SERHL2: variants seen among roughly 807,000 people sequenced by gnomAD.
The protein encoded by SERHL2 is serine hydrolase-like protein 2.
Under a neutral mutation model 25.5 loss-of-function variants are expected in SERHL2, and 29 were observed. The ratio of observed to expected loss-of-function variants is 1.14; its 90% CI spans 0.85 to 1.55. The LOEUF (loss-of-function observed/expected upper bound fraction) is 1.55. Ranked by LOEUF, SERHL2 falls within the 40% of genes most tolerant of loss-of-function variation. The probability of loss-of-function intolerance (pLI) is 0.00; values close to 1 mark genes in which losing one functional copy is unlikely to be tolerated. For synonymous variants in SERHL2, 95 were observed against 103.5 expected (o/e 0.92, Z 0.50); for missense variants, 240 against 252.3 (o/e 0.95, Z 0.33).
At position 42,573,744 on chromosome 22, in the gene SERHL2, G is replaced by A. The variant is rs540722613; in HGVS notation, c.826-192G>A. Reference sequence around the variant, plus strand: ...CCCCTGGGAGGCCTCCAAGTCCCTAGGGTTAGACACCTCCTGGGGTGCTAT... The same window carrying A: ...CCCCTGGGAGGCCTCCAAGTCCCTAAGGTTAGACACCTCCTGGGGTGCTAT... On this transcript the variant is annotated intron_variant, in intron 11 of 11. Transcript: ENST00000327678. The A allele has an allele frequency of 1.1e-3, 764 of 675,986 alleles. 3 individuals are homozygous for A. Among genetic ancestry groups the A allele is most frequent in the African/African-American group, 6.3e-3 (348 of 55,206 alleles). 41.9% of individuals were successfully genotyped at this position (675,986 alleles called of 1,614,324 possible).
intron 7 of SERHL2, among the ~76,000 whole-genome samples, chr22:42,558,976 C>G (rs1172787169): frequency 3.9e-4 from 14 of 36,086 alleles, no homozygotes; most frequent in Non-Finnish European, 6.2e-4. Context: ...GGCAGTGGGC[C>G]TGGTAGGTCA....
chr22:42,569,568 A>G (rs1923875993), intron 9 of SERHL2: 1 of 151,924 alleles, frequency 6.6e-6, no homozygotes, highest in South Asian at 2.1e-4. Context: ...TCTAATTTTC[A>G]TATTTTTAGT....
At position 42,574,018 on chromosome 22, in the gene SERHL2, T is replaced by C; in HGVS notation, c.908T>C (p.Phe303Ser). ...PQHVASIISS[F>S]LQCTHMLPAQ... ...CACGTGGCCAGTATCATCAGCTCCT[T>C]CTTACAGTGCACACACATGCTCCCA... The change falls in exon 12 of 12, where the codon TTC becomes TCC. Residue 303 changes from phenylalanine (F) to serine (S), a missense_variant. Around this residue, in one of 4 missense-constraint regions of SERHL2, gnomAD observed 212 missense variants for 168.9 expected, o/e 1.25. Coordinates refer to ENST00000327678, the MANE Select transcript of SERHL2 (RefSeq NM_014509.5). 5 of 1,612,046 alleles carry C rather than the reference T, an allele frequency of 3.1e-6. No individual in the cohort carries two copies. Among genetic ancestry groups the C allele is most frequent in the East Asian group, 2.2e-5 (1 of 44,838 alleles).
intron 8 of SERHL2, among the ~76,000 whole-genome samples, chr22:42,561,518 G>A (rs1342111643): frequency 6.6e-6 from 1 of 151,648 alleles, no homozygotes; most frequent in Admixed American, 6.6e-5. Flanking sequence ...AGTTGAGGGT[G>A]CAGGCCGGGA....
In SERHL2 at chr22:42,560,270, G is replaced by A. The variant is rs1922522852; in HGVS notation, c.613+5G>A. The A allele has an allele frequency of 1.2e-6, 2 of 1,602,208 alleles. No homozygotes were observed. The highest frequency in any genetic ancestry group is 1.7e-6 in the Non-Finnish European group (2 of 1,169,216). On this transcript the variant is annotated splice_donor_5th_base_variant and intron_variant, in intron 8 of 11. Coordinates refer to ENST00000327678, the MANE Select transcript of SERHL2 (RefSeq NM_014509.5). ...GAACCACGAAGGTGGCCACAGGTAAGGGACTCTACTGTCCAAGGCCATTTT... is the reference window on the plus strand; with the variant it reads ...GAACCACGAAGGTGGCCACAGGTAAAGGACTCTACTGTCCAAGGCCATTTT...
Position 42,571,168 on chromosome 22 carries a change from C to G in SERHL2, c.696C>G (p.Ser232=). Residue 232 remains serine (S), a synonymous_variant, in exon 10 of 12, where the codon TCC becomes TCG. Transcript: ENST00000327678. ...DFISRELCAH[S]IRKLQAHVLL... Reference sequence around the variant, plus strand: ...TCAGCAGGGAGCTGTGTGCGCATTCCATCAGGAAGCTGCAGGCCCATGTCC... The same window carrying G: ...TCAGCAGGGAGCTGTGTGCGCATTCGATCAGGAAGCTGCAGGCCCATGTCC... 6.2e-7 allele frequency: 1 copy of G among 1,613,468 alleles called. No individual in the cohort carries two copies. The highest frequency in any genetic ancestry group is 8.5e-7 in the Non-Finnish European group (1 of 1,179,674).
intron 1 of SERHL2, 163 bp downstream of exon 1, chr22:42,554,205 G>T: frequency 1.2e-6 from 1 of 867,522 alleles, no homozygotes; most frequent in South Asian, 1.6e-5. Flanking sequence ...GACCGGCCAG[G>T]AGTTGGGGGA....
intron 8 of SERHL2, among the ~76,000 whole-genome samples, chr22:42,560,723 G>A (rs576119757): frequency 2.0e-5 from 3 of 152,006 alleles, no homozygotes; most frequent in African/African-American, 7.2e-5. Context: ...TTTTACCCAG[G>A]AATTTTTTTT....
intron 8 of SERHL2, 70 bp downstream of exon 8, chr22:42,560,335 C>A: frequency 2.5e-6 from 3 of 1,199,130 alleles, no homozygotes; most frequent in Middle Eastern, 1.9e-4. Flanking sequence ...CAAGGACTTG[C>A]CTTAGACCAG....
intron 1 of SERHL2, 60 bp downstream of exon 1, chr22:42,554,102 G>A: frequency 6.3e-7 from 1 of 1,590,908 alleles, no homozygotes. Flanking sequence ...TGGGACAGTA[G>A]AAGAGGGCGG....
chr22:42,564,523 C>G (rs1185025480), intron 8 of SERHL2, among the ~76,000 whole-genome samples: 1 of 151,640 alleles, frequency 6.6e-6, no homozygotes, highest in Non-Finnish European at 1.5e-5. Context: ...CCTCCACCTC[C>G]TGGGTTCAAG....
In SERHL2 at chr22:42,574,035, A is replaced by G. The variant is rs145520668; in HGVS notation, c.925A>G (p.Met309Val). Residue 309 changes from methionine (M) to valine (V), a missense_variant, in exon 12 of 12, where the codon ATG becomes GTG. Physicochemically the swap from Met to Val is conservative, Grantham distance 21 (BLOSUM62 1). Transcript: ENST00000327678. Reference protein sequence around the residue: ...IISSFLQCTHMLPAQL With the variant: ...IISSFLQCTHVLPAQL ...CAGCTCCTTCTTACAGTGCACACAC[A>G]TGCTCCCAGCCCAGCTGTAGCTCTG... 586 of 1,612,534 alleles carry G rather than the reference A, an allele frequency of 3.6e-4. 4 individuals are homozygous for G. In the African/African-American group the frequency reaches 6.5e-3, roughly 18 times the overall value.
At chr22:42,565,740 C>T (rs748545799) in intron 8 of SERHL2, among the ~76,000 whole-genome samples, 3 of 152,042 alleles carry the variant, frequency 2.0e-5, no homozygotes, top group South Asian at 2.1e-4. Flanking sequence ...AGGTGCCTGA[C>T]CTCCTGCTAT....
intron 11 of SERHL2, chr22:42,573,302 G>T (rs1479113233): frequency 6.7e-6 from 1 of 150,148 alleles, no homozygotes; most frequent in Non-Finnish European, 1.5e-5. Flanking sequence ...GGAGGGCAGT[G>T]GCCCGATCTC....
rs1433827192 is a variant in SERHL2, at chr22:42,556,509, C to T, written c.349-5C>T. 2 of 1,613,090 alleles carry T rather than the reference C, an allele frequency of 1.2e-6. No individual in the cohort carries two copies. Among genetic ancestry groups the T allele is most frequent in the Non-Finnish European group, 1.7e-6 (2 of 1,179,428 alleles). On this transcript the variant is annotated splice_polypyrimidine_tract_variant and splice_region_variant and intron_variant, in intron 5 of 11. Transcript: ENST00000327678. ...ATTCATTCTCCCCTTTTGGCATCCTCACAGTTTTTCTGTACCTTCCCCGAG... is the reference window on the plus strand; with the variant it reads ...ATTCATTCTCCCCTTTTGGCATCCTTACAGTTTTTCTGTACCTTCCCCGAG...
intron 10 of SERHL2, 189 bp downstream of exon 10, chr22:42,571,392 G>A: frequency 1.4e-6 from 2 of 1,406,340 alleles, no homozygotes; most frequent in South Asian, 1.5e-5. Flanking sequence ...AGGAGGGGAG[G>A]GCTCGGGCAG....
chr22:42,568,785 T>G (rs1213664706), intron 9 of SERHL2, among the ~76,000 whole-genome samples: 8 of 151,934 alleles, frequency 5.3e-5, no homozygotes, highest in African/African-American at 1.9e-4. Flanking sequence ...GCCAACATGG[T>G]GAAACCCTGT....
rs199869373 is a variant in SERHL2, at chr22:42,571,315, C to T, written c.731+112C>T. 2.9e-5 allele frequency: 44 copies of T among 1,541,446 alleles called. 1 individual carries two copies. The East Asian group carries it at 2.9e-4, about 10-fold the overall frequency. ...CAAGTTCTCTGCGTGTCGACCACAT[C>T]GCTAAGGCTCAAGATCTTTTTTGGG... On this transcript the variant is annotated intron_variant, in intron 10 of 11. Coordinates refer to ENST00000327678, the MANE Select transcript of SERHL2 (RefSeq NM_014509.5).
chr22:42,573,630 C>G (rs943805746), intron 11 of SERHL2: 9 of 340,470 alleles, frequency 2.6e-5, no homozygotes, highest in African/African-American at 1.1e-4. Flanking sequence ...TCTTTTCTCA[C>G]GGGTACCTCT....
Sources: gnomAD v4.1 joint callset for allele counts (sites outside exome capture counted in the v4.1 genomes callset) on GRCh38, gnomAD v4.1.1 for gene constraint, gnomAD v4.1.1 regional missense constraint, MANE v1.5 for transcripts, NCBI Gene and HGNC (gene_info 2026-07-23, HGNC 2026-07-21) for gene names.